Variants in MAP3K4 observed in about 807,000 individuals in gnomAD.
The protein encoded by MAP3K4 is MAP three kinase 1.
Under a neutral mutation model 185.6 loss-of-function variants are expected in MAP3K4, and 67 were observed. The ratio of observed to expected loss-of-function variants is 0.36; its 90% CI spans 0.30 to 0.44. The LOEUF (loss-of-function observed/expected upper bound fraction) is 0.44, where lower values mean the gene tolerates loss of function less well. Ranked by LOEUF, MAP3K4 falls within the 20% of genes least tolerant of loss-of-function variation. The pLI, the probability that MAP3K4 is intolerant of heterozygous loss-of-function variation, is 1.00. For synonymous variants in MAP3K4, 702 were observed against 710.4 expected, an observed-to-expected ratio of 0.99 and a Z score of 0.19; for missense variants, 1,551 against 1,995.1, an observed-to-expected ratio of 0.78 and a Z score of 4.24.
In MAP3K4 at chr6:161,049,244, G is replaced by T; in HGVS notation, c.972G>T (p.Gly324=). The stretch of plus-strand genomic sequence containing the variant: ...GTTTTAATGGTACTTCAGTAGAAGG[G>T]CAGTGCAAAGCCACTCCTGGAACAA... ...RAGFNGTSVE[G]QCKATPGTKI... Residue 324 remains glycine, a synonymous_variant, in exon 3 of 27, where the codon GGG becomes GGT. Transcript: ENST00000392142. The surrounding 1 kb of genome is among the most constrained non-coding windows in gnomAD (Gnocchi z 8.4). 6.2e-7 allele frequency: 1 copy of T among 1,614,176 alleles called. No individual in the cohort carries two copies. The highest frequency in any genetic ancestry group is 8.5e-7 in the Non-Finnish European group (1 of 1,180,034).
chr6:160,994,371 A>G (rs1318047736), intron 1 of MAP3K4, among the ~76,000 whole-genome samples: 3 of 152,142 alleles, frequency 2.0e-5, no homozygotes, highest in East Asian at 3.9e-4. Flanking sequence ...GCTCTCACTT[A>G]TAAGTGAATA....
chr6:161,078,807 T>C lies in MAP3K4; in HGVS notation c.2098-2074T>C, dbSNP rs147616269. Reference sequence around the variant, plus strand: ...TAGATGAAGGCCGATTAGAAGTCCATAGGTGACAGTCTGAAGAGGGGGCCA... The same window carrying C: ...TAGATGAAGGCCGATTAGAAGTCCACAGGTGACAGTCTGAAGAGGGGGCCA... On this transcript the variant is annotated intron_variant, in intron 5 of 26. Transcript: ENST00000392142. Among the ~76,000 whole-genome samples the C allele has an allele frequency of 3.9e-5, 6 of 152,254 alleles. No individual in the cohort carries two copies. In the East Asian group the frequency reaches 9.7e-4, roughly 25 times the overall value.
At chr6:161,092,320 G>GA (rs913392728) in intron 13 of MAP3K4, among the ~76,000 whole-genome samples, 177 bp downstream of exon 13, 15 of 152,064 alleles carry the variant, frequency 9.9e-5, no homozygotes, top group South Asian at 4.1e-4. Flanking sequence ...TAACTCTTGG[G>GA]AAAAAATTTT....
At position 161,037,005 on chromosome 6, in the gene MAP3K4, G is replaced by A. The variant is rs140827989; in HGVS notation, c.343+2556G>A. Among the ~76,000 whole-genome samples, 29 of 152,328 alleles carry A rather than the reference G, an allele frequency of 1.9e-4. No homozygotes were observed. The highest frequency in any genetic ancestry group is 7.0e-4 in the African/African-American group (29 of 41,580). Reference sequence around the variant, plus strand: ...CAGCTGAGGAAACTGGCTCAGAGAAGTTTTACGGCTTTCAATTTTAAATGT... The same window carrying A: ...CAGCTGAGGAAACTGGCTCAGAGAAATTTTACGGCTTTCAATTTTAAATGT... On this transcript the variant is annotated intron_variant, in intron 2 of 26. Coordinates refer to ENST00000392142, the MANE Select transcript of MAP3K4 (RefSeq NM_005922.4). The surrounding 1 kb of genome is among the most constrained non-coding windows in gnomAD (Gnocchi z 4.2).
intron 2 of MAP3K4, among the ~76,000 whole-genome samples, chr6:161,038,565 A>G (rs1783292110): frequency 6.6e-6 from 1 of 152,246 alleles, no homozygotes; most frequent in African/African-American, 2.4e-5. Flanking sequence ...CATCTTTTAA[A>G]TAGTCACCAA....
rs1365713443 is a variant in MAP3K4, at chr6:161,037,920, G to A, written c.343+3471G>A. ...TCCTGCCTGGACTACACATTTCCTT[G>A]TATGTCTTCCTAGTCCTTCGCTTTA... On this transcript the variant is annotated intron_variant, in intron 2 of 26. Coordinates refer to ENST00000392142, the MANE Select transcript of MAP3K4 (RefSeq NM_005922.4). The surrounding 1 kb of genome is among the most constrained non-coding windows in gnomAD (Gnocchi z 4.2). Among the ~76,000 whole-genome samples the A allele has an allele frequency of 1.3e-5, 2 of 152,062 alleles. No homozygotes were observed. The highest frequency in any genetic ancestry group is 2.1e-4 in the South Asian group (1 of 4,824).
In MAP3K4 at chr6:160,992,021, GCCGCCACCACCGCCA is replaced by G. The variant is rs973782786; in HGVS notation, c.94_108del (p.Pro32_Pro36del). ...TGGAGGAGCCGCCGCCACCGCCGCC[GCCGCCACCACCGCCA>G]CCGGAACCCGAGACCGAGTCAGAAC... On this transcript the variant is annotated inframe_deletion, in exon 1 of 27. Transcript: ENST00000392142. 2.8e-5 allele frequency: 44 copies of G among 1,555,942 alleles called. No homozygotes were observed. The highest frequency in any genetic ancestry group is 3.7e-5 in the Non-Finnish European group (43 of 1,158,100).
intron 2 of MAP3K4, among the ~76,000 whole-genome samples, chr6:161,036,899 A>G (rs1452745405): frequency 2.6e-5 from 4 of 152,232 alleles, no homozygotes; most frequent in Non-Finnish European, 5.9e-5. Flanking sequence ...CTCAGAAAGT[A>G]TAATGCAAAT....
At chr6:161,072,183 T>C (rs1488512068) in intron 4 of MAP3K4, among the ~76,000 whole-genome samples, 1 of 152,238 alleles carries the variant, frequency 6.6e-6, no homozygotes, top group Non-Finnish European at 1.5e-5. Flanking sequence ...ACTGTAGCCA[T>C]AGCTCTCTTA....
intron 1 of MAP3K4, among the ~76,000 whole-genome samples, chr6:160,994,513 T>G (rs1780903050): frequency 6.6e-6 from 1 of 152,200 alleles, no homozygotes; most frequent in African/African-American, 2.4e-5. Flanking sequence ...ATATGCCACA[T>G]TTTCTTTATC....
chr6:161,111,008 A>G (rs550144057), intron 23 of MAP3K4, among the ~76,000 whole-genome samples: 5 of 152,346 alleles, frequency 3.3e-5, no homozygotes, highest in South Asian at 4.1e-4. Flanking sequence ...GTCTTATCCA[A>G]TGCTTTCTAG....
chr6:161,111,409 A>G (rs937629370), intron 23 of MAP3K4, among the ~76,000 whole-genome samples: 1 of 152,234 alleles, frequency 6.6e-6, no homozygotes, highest in African/African-American at 2.4e-5. Flanking sequence ...CAAGGGCCTC[A>G]GCTGGGACTC....
At position 160,991,878 on chromosome 6, in the gene MAP3K4, C is replaced by A. The variant is rs1459414154; in HGVS notation, c.-54C>A. On this transcript the variant is annotated 5_prime_UTR_variant, in exon 1 of 27. Coordinates refer to ENST00000392142, the MANE Select transcript of MAP3K4 (RefSeq NM_005922.4). The surrounding 1 kb of genome is among the most constrained non-coding windows in gnomAD (Gnocchi z 5.7). ...CCCGCACTTCGGGGCTCCGGTGCCC[C>A]GCGCCAGGCTGCAGCTTACTGCCCG... 5.5e-6 allele frequency: 8 copies of A among 1,443,988 alleles called. No individual in the cohort carries two copies. Among genetic ancestry groups the A allele is most frequent in the South Asian group, 2.8e-5 (2 of 70,320 alleles). 89.4% of individuals were successfully genotyped at this position (1,443,988 alleles called of 1,614,324 possible).
chr6:161,104,674 G>GTACTCCA (rs1777985350), intron 19 of MAP3K4, among the ~76,000 whole-genome samples: 1 of 141,046 alleles, frequency 7.1e-6, no homozygotes, highest in Non-Finnish European at 1.5e-5. Context: ...TCGTGCCCCT[G>GTACTCCA]TACTCCAGCC....
chr6:161,047,594 C>T (rs560320475), intron 2 of MAP3K4, among the ~76,000 whole-genome samples: 11 of 151,896 alleles, frequency 7.2e-5, no homozygotes, highest in African/African-American at 1.9e-4. Context: ...TGGGCATTAT[C>T]GATATATGAT....
At chr6:161,009,088 G>T (rs2115071210) in intron 1 of MAP3K4, among the ~76,000 whole-genome samples, 1 of 151,458 alleles carries the variant, frequency 6.6e-6, no homozygotes, top group Admixed American at 6.6e-5. Context: ...AGGTTCAAGA[G>T]ATTCTCCTGC....
intron 23 of MAP3K4, among the ~76,000 whole-genome samples, chr6:161,111,052 C>T (rs934287991): frequency 1.3e-5 from 2 of 152,186 alleles, no homozygotes; most frequent in Non-Finnish European, 2.9e-5. Flanking sequence ...GATGTACAGT[C>T]GCTCGAGAAG....
rs1249759798 is a variant in MAP3K4, at chr6:161,116,616, T to C, written c.4807-234T>C. On this transcript the variant is annotated intron_variant, in intron 26 of 26. Coordinates refer to ENST00000392142, the MANE Select transcript of MAP3K4 (RefSeq NM_005922.4). The surrounding 1 kb of genome is among the most constrained non-coding windows in gnomAD (Gnocchi z 6.2). ...CAATTTATATTGACCTGAGAGTGCA[T>C]ATAGGCGTTTTAGAAAATGCTTTCA... 6.6e-6 allele frequency among the ~76,000 whole-genome samples: 1 copy of C among 152,208 alleles called. No individual in the cohort carries two copies. Among genetic ancestry groups the C allele is most frequent in the Non-Finnish European group, 1.5e-5 (1 of 68,022 alleles).
Position 161,048,130 on chromosome 6 carries a change from A to G in MAP3K4, c.344-486A>G. ...AGGGTGCCTTAAGTATTCTTGCATC[A>G]ATGTGCCTAATTTTATCAATGAGAA... On this transcript the variant is annotated intron_variant, in intron 2 of 26. Transcript: ENST00000392142. The surrounding 1 kb of genome is among the most constrained non-coding windows in gnomAD (Gnocchi z 4.7). 2.3e-6 allele frequency: 1 copy of G among 433,156 alleles called. No homozygotes were observed. Among genetic ancestry groups the G allele is most frequent in the South Asian group, 1.8e-5 (1 of 54,430 alleles). The allele number at this position is 433,156 out of a possible 1,614,324, so 26.8% of individuals were successfully genotyped here. A position where few individuals can be genotyped will look rare whatever the true frequency, so the allele number is the denominator to read the frequency against.
Sources: allele counts gnomAD v4.1 joint callset (sites outside exome capture counted in the v4.1 genomes callset), GRCh38; gene constraint gnomAD v4.1.1; non-coding constraint Gnocchi (gnomAD v3.1); transcripts MANE v1.5; gene names NCBI Gene and HGNC (gene_info 2026-07-23, HGNC 2026-07-21).